C12orf42: variants seen among roughly 807,000 people sequenced by gnomAD.
C12orf42 encodes chromosome 12 open reading frame 42.
In C12orf42, 25 loss-of-function variants were observed where a neutral mutation model predicts 21.6. The observed-to-expected ratio is 1.16, with a 90% CI of 0.84 to 1.62. The LOEUF is 1.62. Among genes scored for constraint, C12orf42 ranks in the 40% most tolerant of loss-of-function variants. The pLI is 0.00. For missense variants in C12orf42, 483 were observed against 459.3 expected (o/e 1.05, Z -0.47); for synonymous variants, 174 against 175.0 (o/e 0.99, Z 0.05).
chr12:103,279,935 C>T (rs748359682), intron 4 of C12orf42, among the ~76,000 whole-genome samples: 6 of 152,058 alleles, frequency 3.9e-5, no homozygotes, highest in Non-Finnish European at 7.4e-5. Flanking sequence ...GAAGTGAAAG[C>T]GTATGACAGG....
chr12:103,227,239 G>C, the C12orf42 span, among the ~76,000 whole-genome samples: 3 of 152,034 alleles, frequency 2.0e-5, no homozygotes, highest in Non-Finnish European at 4.4e-5. Context: ...CCAGAAAAGT[G>C]GGAACAGGGG....
At chr12:103,242,755 T>C (rs2033811462) in intron 10 of C12orf42, among the ~76,000 whole-genome samples, 2 of 152,156 alleles carry the variant, frequency 1.3e-5, no homozygotes, top group South Asian at 4.1e-4. Flanking sequence ...ATTTTAATAA[T>C]TACTTTGAAA....
At chr12:103,165,900 G>C in the C12orf42 span, among the ~76,000 whole-genome samples, 1 of 152,140 alleles carries the variant, frequency 6.6e-6, no homozygotes, top group Non-Finnish European at 1.5e-5. Context: ...AACTAGCCGG[G>C]CGTGGTGGCG....
At chr12:103,149,430 A>G in the C12orf42 span, among the ~76,000 whole-genome samples, 16 of 152,194 alleles carry the variant, frequency 1.1e-4, no homozygotes, top group African/African-American at 3.6e-4. Flanking sequence ...TTTAGTATAA[A>G]GAAATATAAG....
At chr12:103,150,750 T>C in the C12orf42 span, among the ~76,000 whole-genome samples, 1 of 152,194 alleles carries the variant, frequency 6.6e-6, no homozygotes, top group Admixed American at 6.5e-5. Flanking sequence ...CTATTTCTAA[T>C]ATAAAAAAAT....
At chr12:103,063,283 G>T in the C12orf42 span, among the ~76,000 whole-genome samples, 1 of 152,176 alleles carries the variant, frequency 6.6e-6, no homozygotes, top group Non-Finnish European at 1.5e-5. Context: ...TGTAGAGAAA[G>T]AGCTGAAATT....
At chr12:103,484,566 C>T (rs1047279592) in intron 1 of C12orf42, among the ~76,000 whole-genome samples, 13 of 152,150 alleles carry the variant, frequency 8.5e-5, no homozygotes, top group Non-Finnish European at 1.8e-4. Context: ...AGCCCCTTGT[C>T]AGATGGGTAG....
chr12:103,413,122 G>T (rs144714286), intron 2 of C12orf42, among the ~76,000 whole-genome samples: 1 of 152,170 alleles, frequency 6.6e-6, no homozygotes, highest in Non-Finnish European at 1.5e-5. Flanking sequence ...TCCATTTTGA[G>T]TTAATTTTTG....
intron 4 of C12orf42, among the ~76,000 whole-genome samples, chr12:103,312,551 C>A (rs75666814): frequency 4.6e-5 from 7 of 152,160 alleles, no homozygotes; most frequent in Non-Finnish European, 1.0e-4. Context: ...ATCTGCCTCT[C>A]GAGGACCAAC....
chr12:103,133,701 G>A, the C12orf42 span, among the ~76,000 whole-genome samples: 3 of 152,242 alleles, frequency 2.0e-5, no homozygotes, highest in East Asian at 1.9e-4. Flanking sequence ...TGGCTTGGCT[G>A]CATCCCCATC....
intron 5 of C12orf42, among the ~76,000 whole-genome samples, chr12:103,303,404 T>C (rs1183784966): frequency 6.6e-6 from 1 of 152,160 alleles, no homozygotes; most frequent in Non-Finnish European, 1.5e-5. Context: ...CCCATTGACC[T>C]ACACAAATTA....
the C12orf42 span, among the ~76,000 whole-genome samples, chr12:103,205,660 A>T: frequency 1.4e-5 from 1 of 69,896 alleles, no homozygotes; most frequent in Non-Finnish European, 4.2e-5. Flanking sequence ...ATATGCACCA[A>T]GAGACATTTA....
the C12orf42 span, among the ~76,000 whole-genome samples, chr12:103,134,283 C>T: frequency 6.6e-6 from 1 of 151,552 alleles, no homozygotes; most frequent in South Asian, 2.1e-4. Context: ...TTATGGAGTC[C>T]CAAGTAAAAA....
chr12:103,438,615 A>G (rs993380903), intron 2 of C12orf42, among the ~76,000 whole-genome samples: 19 of 152,102 alleles, frequency 1.2e-4, no homozygotes, highest in Admixed American at 3.9e-4. Context: ...CACCAACAAC[A>G]GACAAACAGA....
the C12orf42 span, among the ~76,000 whole-genome samples, chr12:103,086,827 G>C: frequency 6.6e-6 from 1 of 151,950 alleles, no homozygotes; most frequent in Admixed American, 6.6e-5. Context: ...AAGAAATCAC[G>C]TTTTCTTCAT....
intron 1 of C12orf42, among the ~76,000 whole-genome samples, chr12:103,489,335 G>A (rs1955038545): frequency 6.6e-6 from 1 of 152,188 alleles, no homozygotes; most frequent in Non-Finnish European, 1.5e-5. Flanking sequence ...TTATCCCAGA[G>A]GGGCACCCAC....
chr12:103,142,936 A>G, the C12orf42 span, among the ~76,000 whole-genome samples: 3 of 152,344 alleles, frequency 2.0e-5, no homozygotes, highest in Non-Finnish European at 2.9e-5. Flanking sequence ...ATGCAATTCT[A>G]TTTAATATAC....
upstream of C12orf42, among the ~76,000 whole-genome samples, chr12:103,499,242 A>G (rs1039084899): frequency 2.6e-5 from 4 of 152,198 alleles, no homozygotes; most frequent in African/African-American, 2.4e-5. Flanking sequence ...GAAATATGCT[A>G]AGACAGTTCT....
intron 3 of C12orf42, among the ~76,000 whole-genome samples, chr12:103,385,418 C>A (rs1314034675): frequency 6.6e-6 from 1 of 152,082 alleles, no homozygotes; most frequent in East Asian, 1.9e-4. Flanking sequence ...CATCACCAGC[C>A]CTTCATAATA....
Sources: gnomAD v4.1 joint callset for allele counts (sites outside exome capture counted in the v4.1 genomes callset) on GRCh38, gnomAD v4.1.1 for gene constraint, MANE v1.5 for transcripts, NCBI Gene and HGNC (gene_info 2026-07-23, HGNC 2026-07-21) for gene names.